The following KCTD19 variants were observed in gnomAD, a reference collection of about 807,000 sequenced individuals.
The protein encoded by KCTD19 is potassium channel tetramerization domain containing 19.
In KCTD19, 67 loss-of-function variants were observed where a neutral mutation model predicts 103.5. That is an observed-to-expected ratio of 0.65 (90% confidence interval 0.53 to 0.79). KCTD19 has a LOEUF of 0.79. Ranked by LOEUF, KCTD19 falls within the 30% of genes least tolerant of loss-of-function variation. KCTD19 has a pLI of 0.00. For synonymous variants in KCTD19, 439 were observed against 452.2 expected, an observed-to-expected ratio of 0.97 and a Z score of 0.37; for missense variants, 980 against 1,136.1, an observed-to-expected ratio of 0.86 and a Z score of 1.98.
chr16:67,303,108 C>CGGGGCGGGGGG lies in KCTD19; in HGVS notation c.643+37_643+38insCCCCCCGCCCC. ...ATGGGGAGGGGTGAATGGGCCCTATCAGCCCGCCCCCCACCCCACCCCGGA... is the reference window on the plus strand; with the variant it reads ...ATGGGGAGGGGTGAATGGGCCCTATCGGGGCGGGGGGAGCCCGCCCCCCACCCCACCCCGGA... On this transcript the variant is annotated intron_variant, in intron 4 of 15. Coordinates refer to ENST00000304372, the MANE Select transcript of KCTD19 (RefSeq NM_001100915.3). The surrounding 1 kb of genome is among the most constrained non-coding windows in gnomAD (Gnocchi z 4.3). 1 of 798,078 alleles carries CGGGGCGGGGGG rather than the reference C, an allele frequency of 1.3e-6. No homozygotes were observed. The highest frequency in any genetic ancestry group is 2.1e-6 in the Non-Finnish European group (1 of 476,660). The allele number at this position is 798,078 out of a possible 1,614,324, so 49.4% of individuals were successfully genotyped here. A position where few individuals can be genotyped will look rare whatever the true frequency, so the allele number is the denominator to read the frequency against.
intron 1 of KCTD19, chr16:67,321,791 T>G (rs1323494005): frequency 1.3e-5 from 2 of 152,204 alleles, no homozygotes; most frequent in Non-Finnish European, 2.9e-5. Flanking sequence ...GAGCAGATAC[T>G]TGTATACCCT....
intron 2 of KCTD19, among the ~76,000 whole-genome samples, chr16:67,315,902 C>T (rs922196162): frequency 1.3e-5 from 2 of 152,140 alleles, no homozygotes; most frequent in African/African-American, 4.8e-5. Flanking sequence ...GTGTGAGCCA[C>T]CGCGTCTGGC....
chr16:67,304,374 G>A (rs2036868940), intron 3 of KCTD19, 47 bp downstream of exon 3: 1 of 1,597,634 alleles, frequency 6.3e-7, no homozygotes, highest in Non-Finnish European at 8.6e-7. Flanking sequence ...GTGAGGAGAG[G>A]GAAAGTTGGT....
At position 67,295,277 on chromosome 16, in the gene KCTD19, TA is replaced by T; in HGVS notation, c.1376del (p.Leu459TyrfsTer56). ...GCTTCACTTACTTAAATTCAGATGG[TA>T]AAAACAGTTTGCCAAGTCTCAGGAA... The part of the protein sequence containing the change: ...LNFLRLGKLF[L>X]PSEFKEWPLF... On this transcript the variant is annotated frameshift_variant, in exon 9 of 16. Coordinates refer to ENST00000304372, the MANE Select transcript of KCTD19 (RefSeq NM_001100915.3). LOFTEE classifies it high-confidence loss of function. 1 of 1,614,138 alleles carries T rather than the reference TA, an allele frequency of 6.2e-7. No individual in the cohort carries two copies.
rs374798005 is a variant in KCTD19 at position 67,294,657 on chromosome 16, C to T, written c.1513G>A (p.Ala505Thr). 2 of 1,608,826 alleles carry T rather than the reference C, an allele frequency of 1.2e-6. No individual in the cohort carries two copies. The highest frequency in any genetic ancestry group is 2.7e-5 in the African/African-American group (2 of 74,872). The change falls in exon 11 of 16, where the codon GCT (alanine) becomes ACT (threonine). Residue 505 changes from alanine to threonine, a missense_variant. Transcript: ENST00000304372. The stretch of plus-strand genomic sequence containing the variant: ...ACATGCAGCCTCCTGATGGAAAAAG[C>T]TTCTTCATTTTCAGATTCTTTCTCC... Reference protein sequence around the residue: ...TQEKESENEEAFSIRRLHVVT... With the variant: ...TQEKESENEETFSIRRLHVVT...
rs780288340 is a variant in KCTD19, at chr16:67,301,858, T to C, written c.708A>G (p.Glu236=). 3 of 1,613,296 alleles carry C rather than the reference T, an allele frequency of 1.9e-6. No individual in the cohort carries two copies. The East Asian group carries it at 6.7e-5, about 36-fold the overall frequency. The change falls in exon 5 of 16, where the codon GAA becomes GAG. Residue 236 remains glutamate (E), a synonymous_variant. Transcript: ENST00000304372. ...PDNFSNIDVL[E]AEVEILEIPA... ...GGATTTCCAGAATTTCCACTTCTGC[T>C]TCTAATACATCAATGTTGGAGAAAT... is the stretch of plus-strand genomic sequence containing the variant.
In KCTD19 at chr16:67,303,109, A is replaced by AG; in HGVS notation, c.643+36dup. On this transcript the variant is annotated intron_variant, in intron 4 of 15. Coordinates refer to ENST00000304372, the MANE Select transcript of KCTD19 (RefSeq NM_001100915.3). The surrounding 1 kb of genome is among the most constrained non-coding windows in gnomAD (Gnocchi z 4.3). ...TGGGGAGGGGTGAATGGGCCCTATC[A>AG]GCCCGCCCCCCACCCCACCCCGGAC... 1 of 483,252 alleles carries AG rather than the reference A, an allele frequency of 2.1e-6. No individual in the cohort carries two copies. Among genetic ancestry groups the AG allele is most frequent in the Non-Finnish European group, 4.0e-6 (1 of 247,146 alleles). 29.9% of individuals were successfully genotyped at this position (483,252 alleles called of 1,614,324 possible).
At chr16:67,304,667 C>CTT (rs202043636) in intron 2 of KCTD19, 96 bp from the exon 3 acceptor site, 1,389 of 845,840 alleles carry the variant, frequency 1.6e-3, no homozygotes, top group Non-Finnish European at 1.8e-3. Flanking sequence ...ATGTGACTTA[C>CTT]TTTTTTTTTT....
intron 2 of KCTD19, among the ~76,000 whole-genome samples, chr16:67,310,033 C>T (rs529271557): frequency 6.6e-6 from 1 of 152,212 alleles, no homozygotes; most frequent in Non-Finnish European, 1.5e-5. Context: ...GCCCAGGCAT[C>T]GGCCTTGACC....
chr16:67,297,646 C>T lies in KCTD19; in HGVS notation c.1004G>A (p.Cys335Tyr), dbSNP rs2036781095. ...FQHVKNWLGT[C>Y]RLPLTETISE... ...AATGGTCTCTGTCAGGGGCAGCCGG[C>T]AAGTCCCCAGCCAGTTCCTGCCCAG... The change falls in exon 7 of 16, where the codon TGC becomes TAC. Residue 335 changes from cysteine (C) to tyrosine (Y), a missense_variant. Cys to Tyr is a radical substitution (Grantham distance 194). Transcript: ENST00000304372. The T allele has an allele frequency of 6.2e-7, 1 of 1,613,808 alleles. No homozygotes were observed. Among genetic ancestry groups the T allele is most frequent in the Middle Eastern group, 1.7e-4 (1 of 5,872 alleles).
intron 2 of KCTD19, among the ~76,000 whole-genome samples, chr16:67,309,509 G>A (rs1031082932): frequency 6.6e-6 from 1 of 152,194 alleles, no homozygotes; most frequent in Admixed American, 6.5e-5. Flanking sequence ...AGTAGGCAAA[G>A]TAGCAAGAAA....
intron 8 of KCTD19, 43 bp from the exon 9 acceptor site, chr16:67,295,448 C>G (rs1485371461): frequency 6.3e-7 from 1 of 1,582,528 alleles, no homozygotes; most frequent in Non-Finnish European, 8.6e-7. Context: ...GAGGCTAGGT[C>G]TTTGCGAAGG....
At chr16:67,298,624 C>T (rs907752791) in intron 6 of KCTD19, among the ~76,000 whole-genome samples, 1 of 152,168 alleles carries the variant, frequency 6.6e-6, no homozygotes, top group Admixed American at 6.5e-5. Flanking sequence ...TCAGGGTGGA[C>T]ATCTCTGAAA....
rs374348796 is a variant in KCTD19, at chr16:67,295,354, G to C, written c.1300C>G (p.Gln434Glu). 6.2e-7 allele frequency: 1 copy of C among 1,614,138 alleles called. No individual in the cohort carries two copies. The highest frequency in any genetic ancestry group is 1.7e-5 in the Admixed American group (1 of 60,018). Reference sequence around the variant, plus strand: ...CCATCCCCGTGGATGAGCAGGGTTTGTCCATATGTGATCCAGTACACTCTC... The same window carrying C: ...CCATCCCCGTGGATGAGCAGGGTTTCTCCATATGTGATCCAGTACACTCTC... ...PQRVYWITYGQTLLIHGDGQM... is the reference protein window; with the variant it reads ...PQRVYWITYGETLLIHGDGQM... The change falls in exon 9 of 16, where the codon CAA becomes GAA. Residue 434 changes from glutamine (Q) to glutamate (E), a missense_variant. By Grantham distance (29) the Gln-to-Glu change is conservative. Transcript: ENST00000304372.
At chr16:67,297,701 A>C (rs776820908) in intron 6 of KCTD19, 38 bp from the exon 7 acceptor site, 2 of 1,603,144 alleles carry the variant, frequency 1.2e-6, no homozygotes, top group Non-Finnish European at 1.7e-6. Flanking sequence ...GAACATCAGC[A>C]TTGTACCCCA....
chr16:67,320,231 A>G lies in KCTD19; in HGVS notation c.300+358T>C, dbSNP rs1017322090. Among the ~76,000 whole-genome samples the G allele has an allele frequency of 6.6e-6, 1 of 152,110 alleles. No individual in the cohort carries two copies. The highest frequency in any genetic ancestry group is 1.5e-5 in the Non-Finnish European group (1 of 68,012). On this transcript the variant is annotated intron_variant, in intron 2 of 15. Transcript: ENST00000304372. This position sits in a 1 kb window ranked among gnomAD's most constrained non-coding sequence, Gnocchi z 4.0. ...TTCAAGACCAATCTGGTCAACATGG[A>G]AAGGATTGGCCGGGCATGGTGGCAT...
chr16:67,294,513 C>T (rs2036741515), intron 11 of KCTD19, 67 bp downstream of exon 11: 3 of 1,110,044 alleles, frequency 2.7e-6, no homozygotes, highest in African/African-American at 1.5e-5. Flanking sequence ...AACCTACCCC[C>T]ATCCACCCTG....
rs1007724301 is a variant in KCTD19, at chr16:67,323,671, G to A, written c.4-2786C>T. Among the ~76,000 whole-genome samples, 1 of 152,166 alleles carries A rather than the reference G, an allele frequency of 6.6e-6. No homozygotes were observed. Among genetic ancestry groups the A allele is most frequent in the Non-Finnish European group, 1.5e-5 (1 of 68,036 alleles). On this transcript the variant is annotated intron_variant, in intron 1 of 15. Transcript: ENST00000304372. The surrounding 1 kb of genome is among the most constrained non-coding windows in gnomAD (Gnocchi z 4.1). ...AATGTGTGGACAAGGCAAATTTCTA[G>A]AGATAGAAAATAGATTAGTGGTTGC...
At position 67,295,253 on chromosome 16, in the gene KCTD19, C is replaced by T. The variant is rs1416669375; in HGVS notation, c.1391+10G>A. On this transcript the variant is annotated intron_variant, in intron 9 of 15. Transcript: ENST00000304372. ...GTGATTTCATCTTACTGCGTCCTTG[C>T]TTCACTTACTTAAATTCAGATGGTA... 6.2e-7 allele frequency: 1 copy of T among 1,613,346 alleles called. No homozygotes were observed. Among genetic ancestry groups the T allele is most frequent in the East Asian group, 2.2e-5 (1 of 44,870 alleles).
Sources: allele counts gnomAD v4.1 joint callset (sites outside exome capture counted in the v4.1 genomes callset), GRCh38; gene constraint gnomAD v4.1.1; non-coding constraint Gnocchi (gnomAD v3.1); transcripts MANE v1.5; gene names NCBI Gene and HGNC (gene_info 2026-07-23, HGNC 2026-07-21).